ARHGAP6: variants seen among roughly 807,000 people sequenced by gnomAD.
ARHGAP6 encodes Rho GTPase activating protein 6.
ARHGAP6 carries 16 observed loss-of-function variants against 55.7 expected under a neutral mutation model. That is an observed-to-expected ratio of 0.29 (90% CI 0.19 to 0.44). ARHGAP6 has a LOEUF of 0.44. ARHGAP6 is among the 20% of genes least tolerant of loss of function. The pLI is 1.00. For missense variants in ARHGAP6, 698 were observed against 808.9 expected (o/e 0.86, Z 1.66); for synonymous variants, 382 against 360.9 (o/e 1.06, Z -0.66).
At chrX:11,399,545 C>G (rs1292033047) in intron 1 of ARHGAP6, among the ~76,000 whole-genome samples, 1 of 111,054 alleles carries the variant, frequency 9.0e-6, no homozygotes, top group Admixed American at 9.6e-5. Context: ...ATGGAGAAAT[C>G]TGAATCCCTG....
intron 1 of ARHGAP6, among the ~76,000 whole-genome samples, chrX:11,392,469 C>A (rs2049419364): frequency 8.9e-6 from 1 of 111,859 alleles, no homozygotes; most frequent in African/African-American, 3.2e-5. Context: ...CCTGCTGAAA[C>A]ATGAATGAAG....
chrX:11,439,058 TAGAA>T (rs1422025492), intron 1 of ARHGAP6, among the ~76,000 whole-genome samples: 2 of 112,358 alleles, frequency 1.8e-5, no homozygotes, highest in Non-Finnish European at 3.8e-5. Context: ...CAACAGATGT[TAGAA>T]AGTGTTACGA....
intron 1 of ARHGAP6, among the ~76,000 whole-genome samples, chrX:11,315,077 G>A (rs2048342871): frequency 8.9e-6 from 1 of 112,375 alleles, no homozygotes; most frequent in South Asian, 3.7e-4. Flanking sequence ...TTGAGAGAAA[G>A]GGACAGGCAT....
intron 1 of ARHGAP6, among the ~76,000 whole-genome samples, chrX:11,431,590 A>G (rs2049941037): frequency 9.0e-6 from 1 of 111,707 alleles, no homozygotes; most frequent in African/African-American, 3.3e-5. Flanking sequence ...ACCATTGTTA[A>G]CAGAGTTACT....
At chrX:11,587,221 T>C (rs1447468423) in intron 1 of ARHGAP6, among the ~76,000 whole-genome samples, 1 of 110,960 alleles carries the variant, frequency 9.0e-6, no homozygotes, top group East Asian at 2.8e-4. Context: ...TGAATAGGAG[T>C]GGTGAGAGAG....
intron 1 of ARHGAP6, chrX:11,296,974 T>A (rs1380883460): frequency 1.2e-6 from 1 of 856,996 alleles, no homozygotes; most frequent in Non-Finnish European, 1.7e-6. Context: ...CAGTTTAAGC[T>A]CTGATGGTTG....
chrX:11,633,365 A>G (rs1335411020), intron 1 of ARHGAP6, among the ~76,000 whole-genome samples: 1 of 111,988 alleles, frequency 8.9e-6, no homozygotes, highest in East Asian at 2.8e-4. Context: ...AAGCTTGCCT[A>G]TGAGTAGGAT....
intron 1 of ARHGAP6, among the ~76,000 whole-genome samples, chrX:11,404,000 C>T (rs1189242879): frequency 8.9e-6 from 1 of 112,196 alleles, no homozygotes; most frequent in Admixed American, 9.5e-5. Flanking sequence ...CAGGTCTGCA[C>T]AAGGCAAGAG....
intron 1 of ARHGAP6, among the ~76,000 whole-genome samples, chrX:11,289,712 C>A (rs941139813): frequency 3.6e-5 from 4 of 111,964 alleles, no homozygotes; most frequent in South Asian, 3.8e-4. Context: ...ATAGGCCAGG[C>A]GCAGTGGCTC....
intron 1 of ARHGAP6, chrX:11,334,596 C>A: frequency 8.1e-6 from 1 of 123,248 alleles, no homozygotes; most frequent in Non-Finnish European, 1.7e-5. Flanking sequence ...GGATCAGGAT[C>A]TTCAACTGAC....
chrX:11,643,078 C>T (rs1020151822), intron 1 of ARHGAP6, among the ~76,000 whole-genome samples: 1 of 111,149 alleles, frequency 9.0e-6, no homozygotes, highest in African/African-American at 3.3e-5. Flanking sequence ...ATAGATCCAC[C>T]ACCAAGCTGT....
chrX:11,329,407 C>G (rs764799984), intron 1 of ARHGAP6, among the ~76,000 whole-genome samples: 1 of 112,113 alleles, frequency 8.9e-6, no homozygotes, highest in East Asian at 2.8e-4. Flanking sequence ...AATTAGAAAA[C>G]GTCAAGCCAT....
chrX:11,186,946 GA>G (rs1461803112), intron 4 of ARHGAP6, among the ~76,000 whole-genome samples: 2 of 111,170 alleles, frequency 1.8e-5, no homozygotes, highest in Admixed American at 9.6e-5. Flanking sequence ...GGGGAGGGGG[GA>G]AATGAGACAA....
chrX:11,433,811 A>G (rs189574489), intron 1 of ARHGAP6, among the ~76,000 whole-genome samples: 2 of 112,853 alleles, frequency 1.8e-5, no homozygotes, highest in African/African-American at 6.4e-5. Context: ...TGGGAAGGAA[A>G]GTATGACTAT....
At chrX:11,315,772 G>A (rs2048353759) in intron 1 of ARHGAP6, among the ~76,000 whole-genome samples, 1 of 111,788 alleles carries the variant, frequency 8.9e-6, no homozygotes, top group African/African-American at 3.3e-5. Flanking sequence ...ACATAATGTT[G>A]GAATTCACCA....
At chrX:11,147,135 C>T (rs1312518634) in intron 10 of ARHGAP6, among the ~76,000 whole-genome samples, 1 of 112,055 alleles carries the variant, frequency 8.9e-6, no homozygotes, top group Non-Finnish European at 1.9e-5. Context: ...TACATACATA[C>T]CCAACACACA....
intron 8 of ARHGAP6, among the ~76,000 whole-genome samples, chrX:11,177,530 C>G (rs1430572711): frequency 2.7e-5 from 3 of 111,178 alleles, no homozygotes; most frequent in Non-Finnish European, 5.7e-5. Context: ...TTCCTCCACA[C>G]CTGGTTTGGA....
intron 5 of ARHGAP6, among the ~76,000 whole-genome samples, chrX:11,185,871 A>G (rs1211067668): frequency 2.7e-5 from 3 of 111,560 alleles, no homozygotes; most frequent in African/African-American, 3.3e-5. Context: ...CTTTGTGAGT[A>G]ACCTCCTAGG....
chrX:11,647,964 C>A (rs1413019402), intron 1 of ARHGAP6, among the ~76,000 whole-genome samples: 1 of 112,019 alleles, frequency 8.9e-6, no homozygotes, highest in African/African-American at 3.2e-5. Flanking sequence ...GATTCTGCAT[C>A]AATCAGGTCC....
Sources: gnomAD v4.1 joint callset for allele counts (sites outside exome capture counted in the v4.1 genomes callset) on GRCh38, gnomAD v4.1.1 for gene constraint, MANE v1.5 for transcripts, NCBI Gene and HGNC (gene_info 2026-07-23, HGNC 2026-07-21) for gene names.